The following RND3 variants were observed in gnomAD, a reference collection of about 807,000 sequenced individuals.
The protein encoded by RND3 is rho-related GTP-binding protein RhoE.
RND3 carries 8 observed loss-of-function variants against 26.5 expected under a neutral mutation model. The observed-to-expected ratio is 0.30, with a 90% confidence interval of 0.18 to 0.54. The LOEUF (loss-of-function observed/expected upper bound fraction) is 0.54, where lower values mean the gene tolerates loss of function less well. RND3 is among the 20% of genes least tolerant of loss of function. RND3 has a pLI of 0.94. For missense variants in RND3, 207 were observed against 302.8 expected (o/e 0.68, Z 2.35); for synonymous variants, 113 against 113.0 (o/e 1.00, Z 0.00).
chr2:150,487,456 C>A lies in RND3; in HGVS notation c.-38-1G>T. 1 of 964,072 alleles carries A rather than the reference C, an allele frequency of 1.0e-6. No homozygotes were observed. The highest frequency in any genetic ancestry group is 2.9e-5 in the South Asian group (1 of 33,950). 59.7% of individuals were successfully genotyped at this position (964,072 alleles called of 1,614,324 possible). Reference sequence around the variant, plus strand: ...TTTTCTCTTGGAACAGGAATTTTCTCTTAAGAAGAAAAAAAAAAATATATA... The same window carrying A: ...TTTTCTCTTGGAACAGGAATTTTCTATTAAGAAGAAAAAAAAAAATATATA... On this transcript the variant is annotated splice_acceptor_variant, in intron 1 of 5. Coordinates refer to ENST00000263895, the MANE Select transcript of RND3 (RefSeq NM_005168.5). LOFTEE classifies it low-confidence loss of function (5UTR_SPLICE).
Position 150,469,664 on chromosome 2 carries a change from T to A in RND3, c.*323A>T. 1 of 237,064 alleles carries A rather than the reference T, an allele frequency of 4.2e-6. No homozygotes were observed. Among genetic ancestry groups the A allele is most frequent in the Non-Finnish European group, 8.0e-6 (1 of 125,570 alleles). 14.7% of individuals were successfully genotyped at this position (237,064 alleles called of 1,614,324 possible). A position where few individuals can be genotyped will look rare whatever the true frequency, so the allele number is the denominator to read the frequency against. On this transcript the variant is annotated 3_prime_UTR_variant, in exon 6 of 6. Transcript: ENST00000263895. ...ATAACAAAAAAAAAAAACCCAAAAA[T>A]GCAAGCACCATTCAGAGTGTGATTT...
chr2:150,475,489 T>C (rs1919141), intron 3 of RND3, among the ~76,000 whole-genome samples: 64,664 of 152,068 alleles, frequency 0.43, 14,799 homozygotes, highest in African/African-American at 0.6. Context: ...GTTGTATTAC[T>C]GCTGTTAAAA....
intron 3 of RND3, among the ~76,000 whole-genome samples, chr2:150,484,629 C>G (rs1043488494): frequency 6.6e-6 from 1 of 152,150 alleles, no homozygotes; most frequent in Non-Finnish European, 1.5e-5. Flanking sequence ...AGAGCTGAAG[C>G]CAACCAACAT....
intron 3 of RND3, among the ~76,000 whole-genome samples, chr2:150,476,520 T>G (rs1686167365): frequency 6.6e-6 from 1 of 152,130 alleles, no homozygotes; most frequent in African/African-American, 2.4e-5. Flanking sequence ...AAGAAAAGAA[T>G]GTTACAAGAA....
At chr2:150,485,767 G>A (rs1424281812) in intron 3 of RND3, among the ~76,000 whole-genome samples, 3 of 152,108 alleles carry the variant, frequency 2.0e-5, no homozygotes, top group Admixed American at 1.3e-4. Context: ...TCAGCCGGGG[G>A]GCCGGATGCC....
At chr2:150,471,514 C>T (rs1686087756) in intron 5 of RND3, 113 bp downstream of exon 5, 2 of 827,602 alleles carry the variant, frequency 2.4e-6, no homozygotes, top group African/African-American at 1.7e-5. Context: ...CACAACTGAC[C>T]ACTGGGTGAG....
At chr2:150,482,163 T>C (rs1686284932) in intron 3 of RND3, among the ~76,000 whole-genome samples, 1 of 152,234 alleles carries the variant, frequency 6.6e-6, no homozygotes, top group Non-Finnish European at 1.5e-5. Flanking sequence ...CTGAATTGAA[T>C]ATGTTAAAAG....
At chr2:150,475,107 T>G in intron 3 of RND3, 123 bp from the exon 4 acceptor site, 1 of 607,010 alleles carries the variant, frequency 1.6e-6, no homozygotes, top group Non-Finnish European at 3.0e-6. Flanking sequence ...CCACTTCCCC[T>G]AATTCTTGGA....
chr2:150,487,148 ACTTTTTTTTTT>A, intron 2 of RND3, 109 bp downstream of exon 2: 1 of 722,274 alleles, frequency 1.4e-6, no homozygotes, highest in Non-Finnish European at 2.0e-6. Flanking sequence ...ACCGAGAAAG[ACTTTTTTTTTT>A]CTTTTTTTTT....
intron 3 of RND3, among the ~76,000 whole-genome samples, chr2:150,482,686 C>T (rs1479750738): frequency 5.7e-5 from 7 of 122,470 alleles, no homozygotes; most frequent in Non-Finnish European, 9.3e-5. Flanking sequence ...TGGCAAAATG[C>T]CTTTTGTAGT....
intron 3 of RND3, among the ~76,000 whole-genome samples, chr2:150,485,610 C>T (rs1246008164): frequency 6.6e-6 from 1 of 152,168 alleles, no homozygotes; most frequent in Non-Finnish European, 1.5e-5. Context: ...CCCAGTGGGT[C>T]CTGCTTTTCC....
At position 150,474,857 on chromosome 2, in the gene RND3, T is replaced by A; in HGVS notation, c.348+18A>T. 7.0e-7 allele frequency: 1 copy of A among 1,436,850 alleles called. No individual in the cohort carries two copies. The highest frequency in any genetic ancestry group is 9.8e-7 in the Non-Finnish European group (1 of 1,018,804). The allele number at this position is 1,436,850 out of a possible 1,614,324, so 89.0% of individuals were successfully genotyped here. ...CATCACCCAGTACTGAAGTGTGTCA[T>A]CATTTCCCAGCACTTGCCTTTTTGA... On this transcript the variant is annotated intron_variant, in intron 4 of 5. Transcript: ENST00000263895.
At chr2:150,475,033 C>T (rs760617951) in intron 3 of RND3, 49 bp from the exon 4 acceptor site, 3 of 1,158,670 alleles carry the variant, frequency 2.6e-6, no homozygotes, top group Non-Finnish European at 2.6e-6. Context: ...GTCCCCTTGT[C>T]TGTCATGCAT....
rs1282071388 is a variant in RND3 at position 150,486,466 on chromosome 2, T to G, written c.238+228A>C. ...GCCACTAGTGGCTCCAACCGCGGGG[T>G]CACCCTGCGGGCACACAGCGCTCTC... On this transcript the variant is annotated intron_variant, in intron 3 of 5. Coordinates refer to ENST00000263895, the MANE Select transcript of RND3 (RefSeq NM_005168.5). This position sits in a 1 kb window ranked among gnomAD's most constrained non-coding sequence, Gnocchi z 4.5. Among the ~76,000 whole-genome samples the G allele has an allele frequency of 6.6e-6, 1 of 152,142 alleles. No individual in the cohort carries two copies. The highest frequency in any genetic ancestry group is 1.5e-5 in the Non-Finnish European group (1 of 68,024).
chr2:150,469,812 G>T lies in RND3; in HGVS notation c.*175C>A. Reference sequence around the variant, plus strand: ...TCCATGTATTCACTTCTCATCACTTGGTCTACATGCCGAACCTAAGGTCAG... The same window carrying T: ...TCCATGTATTCACTTCTCATCACTTTGTCTACATGCCGAACCTAAGGTCAG... On this transcript the variant is annotated 3_prime_UTR_variant, in exon 6 of 6. Coordinates refer to ENST00000263895, the MANE Select transcript of RND3 (RefSeq NM_005168.5). 1 of 636,530 alleles carries T rather than the reference G, an allele frequency of 1.6e-6. No individual in the cohort carries two copies. 39.4% of individuals were successfully genotyped at this position (636,530 alleles called of 1,614,324 possible).
intron 3 of RND3, among the ~76,000 whole-genome samples, chr2:150,481,521 T>C (rs1686269522): frequency 6.6e-6 from 1 of 152,216 alleles, no homozygotes; most frequent in South Asian, 2.1e-4. Context: ...TAAATTTTAT[T>C]GTCACTCATG....
At chr2:150,484,206 C>G (rs1686322184) in intron 3 of RND3, among the ~76,000 whole-genome samples, 1 of 152,192 alleles carries the variant, frequency 6.6e-6, no homozygotes. Flanking sequence ...CTGCTGTATG[C>G]AAGGCATTGT....
Position 150,469,758 on chromosome 2 carries a change from A to T in RND3, c.*229T>A. 2.0e-6 allele frequency: 1 copy of T among 508,078 alleles called. No individual in the cohort carries two copies. The highest frequency in any genetic ancestry group is 3.1e-5 in the South Asian group (1 of 31,928). 31.5% of individuals were successfully genotyped at this position (508,078 alleles called of 1,614,324 possible). The stretch of plus-strand genomic sequence containing the variant: ...TCATTTGTATCTCTCATTTTTTGGC[A>T]TATTTTTCAAGTCACACTTAAAAAC... On this transcript the variant is annotated 3_prime_UTR_variant, in exon 6 of 6. Coordinates refer to ENST00000263895, the MANE Select transcript of RND3 (RefSeq NM_005168.5).
In RND3 at chr2:150,471,680, T is replaced by A; in HGVS notation, c.430A>T (p.Ser144Cys). 1 of 1,613,378 alleles carries A rather than the reference T, an allele frequency of 6.2e-7. No individual in the cohort carries two copies. Among genetic ancestry groups the A allele is most frequent in the East Asian group, 2.2e-5 (1 of 44,862 alleles). ...TGATTGGAGAGCTCTACTAATGTACTAACATCTGTCCGCAGATCAGACTTG... is the reference window on the plus strand; with the variant it reads ...TGATTGGAGAGCTCTACTAATGTACAAACATCTGTCCGCAGATCAGACTTG... ...GCKSDLRTDV[S>C]TLVELSNHRQ... is the part of the protein sequence containing the mutation. The change falls in exon 5 of 6, where the codon AGT (serine) becomes TGT (cysteine). Residue 144 changes from serine to cysteine, a missense_variant. Ser to Cys is a moderately radical substitution (Grantham distance 112). Coordinates refer to ENST00000263895, the MANE Select transcript of RND3 (RefSeq NM_005168.5).
Sources: gnomAD v4.1 joint callset for allele counts (sites outside exome capture counted in the v4.1 genomes callset) on GRCh38, gnomAD v4.1.1 for gene constraint, Gnocchi (gnomAD v3.1) non-coding constraint, MANE v1.5 for transcripts, NCBI Gene and HGNC (gene_info 2026-07-23, HGNC 2026-07-21) for gene names.